Variants in B3GALT1 observed in about 807,000 individuals in gnomAD.
B3GALT1 encodes the protein beta-1,3-galactosyltransferase 1, also known as UDP-Gal:betaGlcNAc beta 1,3-galactosyltransferase, polypeptide 1.
B3GALT1 carries 10 observed loss-of-function variants against 23.2 expected under a neutral mutation model. That is an observed-to-expected ratio of 0.43 (90% CI 0.27 to 0.73). The LOEUF (loss-of-function observed/expected upper bound fraction) is 0.73. B3GALT1 is among the 30% of genes least tolerant of loss of function. The pLI is 0.21. For synonymous variants in B3GALT1, 156 were observed against 141.5 expected (o/e 1.10, Z -0.73); for missense variants, 299 against 405.4 (o/e 0.74, Z 2.25).
At chr2:167,560,771 A>G (rs1000801357) in intron 2 of B3GALT1, among the ~76,000 whole-genome samples, 3 of 152,176 alleles carry the variant, frequency 2.0e-5, no homozygotes, top group Admixed American at 6.5e-5. Flanking sequence ...CTAAATATAT[A>G]TGCACCCAAT....
intron 2 of B3GALT1, among the ~76,000 whole-genome samples, chr2:167,522,781 G>C: frequency 6.6e-6 from 1 of 152,232 alleles, no homozygotes; most frequent in Middle Eastern, 3.4e-3. Flanking sequence ...TCCTTAAATT[G>C]ATATTAATAT....
At chr2:167,823,079 T>C (rs1689141586) in intron 4 of B3GALT1, among the ~76,000 whole-genome samples, 1 of 152,104 alleles carries the variant, frequency 6.6e-6, no homozygotes, top group Non-Finnish European at 1.5e-5. Context: ...CTCTATGCTT[T>C]TTGCCTTGCT....
At chr2:167,446,610 C>T (rs1264111364) in intron 1 of B3GALT1, among the ~76,000 whole-genome samples, 3 of 152,118 alleles carry the variant, frequency 2.0e-5, no homozygotes, top group Non-Finnish European at 4.4e-5. Context: ...TCATTTCATT[C>T]ATTTGGTCTT....
chr2:167,510,407 GTT>G (rs35191590), intron 2 of B3GALT1, among the ~76,000 whole-genome samples: 1,944 of 111,060 alleles, frequency 0.018, 18 homozygotes, highest in East Asian at 0.073. Context: ...TGCAAGTTTT[GTT>G]TTTTTTTTTT....
chr2:167,719,714 A>G (rs1687202370), intron 3 of B3GALT1, among the ~76,000 whole-genome samples: 1 of 152,138 alleles, frequency 6.6e-6, no homozygotes. Flanking sequence ...AGGCAGATCA[A>G]GAGGTCAGGA....
At chr2:167,835,012 T>C (rs1454566116) in intron 4 of B3GALT1, among the ~76,000 whole-genome samples, 3 of 152,136 alleles carry the variant, frequency 2.0e-5, no homozygotes, top group Non-Finnish European at 2.9e-5. Flanking sequence ...GCCTATGTGA[T>C]AGTCATAACC....
intron 3 of B3GALT1, chr2:167,713,911 G>A (rs1389291864): frequency 4.4e-6 from 7 of 1,579,206 alleles, no homozygotes; most frequent in Middle Eastern, 1.7e-4. Context: ...GAGGTTGGGG[G>A]AAAGGAGGTC....
intron 2 of B3GALT1, among the ~76,000 whole-genome samples, chr2:167,559,773 T>G (rs950179894): frequency 6.6e-6 from 1 of 151,992 alleles, no homozygotes; most frequent in Non-Finnish European, 1.5e-5. Flanking sequence ...TAAAAAGAAA[T>G]GAACAAAGCC....
At chr2:167,801,010 A>G (rs957514672) in intron 3 of B3GALT1, among the ~76,000 whole-genome samples, 6 of 152,226 alleles carry the variant, frequency 3.9e-5, no homozygotes, top group Non-Finnish European at 1.5e-5. Context: ...GGTTGTTTCT[A>G]TTTGACAGAA....
At chr2:167,297,923 C>G (rs1696381884) in intron 1 of B3GALT1, among the ~76,000 whole-genome samples, 2 of 152,028 alleles carry the variant, frequency 1.3e-5, no homozygotes, top group Non-Finnish European at 2.9e-5. Flanking sequence ...GCTACCCACC[C>G]CAGTTTTAGG....
At chr2:167,679,870 CT>C (rs954797049) in intron 3 of B3GALT1, among the ~76,000 whole-genome samples, 5 of 152,136 alleles carry the variant, frequency 3.3e-5, no homozygotes, top group Admixed American at 1.3e-4. Context: ...GCAGAGGCTG[CT>C]TTTTAAAAAT....
intron 3 of B3GALT1, among the ~76,000 whole-genome samples, chr2:167,649,432 C>T (rs1685820398): frequency 6.6e-6 from 1 of 152,140 alleles, no homozygotes; most frequent in East Asian, 1.9e-4. Flanking sequence ...CCAAAGGAAA[C>T]CCAGTATCCA....
chr2:167,855,472 T>G (rs1456654587), intron 4 of B3GALT1, among the ~76,000 whole-genome samples: 1 of 152,170 alleles, frequency 6.6e-6, no homozygotes, highest in Non-Finnish European at 1.5e-5. Flanking sequence ...GTATACATTA[T>G]TTGTAAAACA....
chr2:167,594,463 T>C (rs1326519410), intron 2 of B3GALT1, among the ~76,000 whole-genome samples: 1 of 152,224 alleles, frequency 6.6e-6, no homozygotes, highest in African/African-American at 2.4e-5. Context: ...AAATAATGCA[T>C]ATGGTCCCCA....
chr2:167,832,361 G>A (rs1182905715), intron 4 of B3GALT1, among the ~76,000 whole-genome samples: 1 of 152,174 alleles, frequency 6.6e-6, no homozygotes, highest in African/African-American at 2.4e-5. Context: ...GTTATCACAA[G>A]TTGTAATTAC....
At chr2:167,716,055 G>T in intron 3 of B3GALT1, 1 of 1,593,936 alleles carries the variant, frequency 6.3e-7, no homozygotes, top group Non-Finnish European at 8.6e-7. Flanking sequence ...GGTAGCGCCG[G>T]GCTCCTCCAT....
chr2:167,320,919 C>T (rs1314820888), intron 1 of B3GALT1, among the ~76,000 whole-genome samples: 2 of 151,470 alleles, frequency 1.3e-5, no homozygotes, highest in African/African-American at 2.4e-5. Flanking sequence ...AGCATCCCTC[C>T]CCTCAAATAT....
chr2:167,646,160 A>G (rs955034582), intron 2 of B3GALT1, among the ~76,000 whole-genome samples: 1 of 152,152 alleles, frequency 6.6e-6, no homozygotes, highest in South Asian at 2.1e-4. Flanking sequence ...TACAAATTAA[A>G]TTTCCTGAGG....
chr2:167,551,838 T>C, intron 2 of B3GALT1, among the ~76,000 whole-genome samples: 1 of 152,156 alleles, frequency 6.6e-6, no homozygotes, highest in East Asian at 1.9e-4. Context: ...AGTGGCACTA[T>C]GTCTCCCCTG....
Sources: allele counts gnomAD v4.1 joint callset (sites outside exome capture counted in the v4.1 genomes callset), GRCh38; gene constraint gnomAD v4.1.1; transcripts MANE v1.5; gene names NCBI Gene and HGNC (gene_info 2026-07-23, HGNC 2026-07-21).